Variants in CLEC16A observed in about 807,000 individuals in gnomAD.
CLEC16A encodes the protein C-type lectin domain containing 16A.
CLEC16A carries 51 observed loss-of-function variants against 109.5 expected under a neutral mutation model. The observed-to-expected ratio is 0.47, with a 90% CI of 0.37 to 0.59. The LOEUF (loss-of-function observed/expected upper bound fraction) is 0.59. Among genes scored for constraint, CLEC16A ranks in the 20% least tolerant of loss-of-function variants. The pLI, the probability that CLEC16A is intolerant of heterozygous loss-of-function variation, is 0.00. For missense variants in CLEC16A, 1,339 were observed against 1,394.0 expected, an observed-to-expected ratio of 0.96 and a Z score of 0.63; for synonymous variants, 673 against 564.2, an observed-to-expected ratio of 1.19 and a Z score of -2.73.
intron 19 of CLEC16A, among the ~76,000 whole-genome samples, chr16:11,069,450 T>G (rs1038540866): frequency 9.2e-5 from 14 of 152,044 alleles, no homozygotes; most frequent in African/African-American, 3.1e-4. Context: ...CTATTTTTTT[T>G]TTTATACAAG....
intron 22 of CLEC16A, among the ~76,000 whole-genome samples, chr16:11,157,685 C>T (rs1353751304): frequency 6.6e-6 from 1 of 151,700 alleles, no homozygotes; most frequent in Non-Finnish European, 1.5e-5. Flanking sequence ...TAAGAGGAGT[C>T]CCGGGCAAGG....
intron 1 of CLEC16A, among the ~76,000 whole-genome samples, chr16:10,948,083 C>T (rs550945006): frequency 5.3e-4 from 80 of 152,154 alleles, no homozygotes; most frequent in South Asian, 8.3e-4. Context: ...TTAGTAGAGA[C>T]GGGGTTTCAC....
chr16:11,159,216 G>A (rs2054635292), intron 22 of CLEC16A, among the ~76,000 whole-genome samples: 1 of 152,210 alleles, frequency 6.6e-6, no homozygotes, highest in African/African-American at 2.4e-5. Flanking sequence ...ACCAGGCCCT[G>A]CCATCTCCCT....
chr16:11,036,319 C>A lies in CLEC16A; in HGVS notation c.1538-3435C>A, dbSNP rs79782029. 2.5e-3 allele frequency among the ~76,000 whole-genome samples: 384 copies of A among 152,084 alleles called. 1 individual carries two copies. The highest frequency in any genetic ancestry group is 0.01 in the Middle Eastern group (3 of 294). On this transcript the variant is annotated intron_variant, in intron 13 of 23. Transcript: ENST00000409790. ...CCTCCCCGGCTCTCTCCCACCCAGA[C>A]CTCTCTGGGTCTGCTCCACTCCCTG...
At chr16:11,099,720 G>A (rs921369354) in intron 19 of CLEC16A, among the ~76,000 whole-genome samples, 2 of 152,214 alleles carry the variant, frequency 1.3e-5, no homozygotes, top group African/African-American at 2.4e-5. Context: ...GCCCAGATTT[G>A]TGTGGCTACC....
intron 22 of CLEC16A, among the ~76,000 whole-genome samples, chr16:11,129,197 GA>G (rs1315159098): frequency 1.3e-5 from 2 of 152,102 alleles, no homozygotes; most frequent in Non-Finnish European, 2.9e-5. Context: ...AGAACTTAAA[GA>G]GCTTTCATTT....
rs2041238578 is a variant in CLEC16A at position 10,944,564 on chromosome 16, A to T, written c.-154A>T. 1 of 671,352 alleles carries T rather than the reference A, an allele frequency of 1.5e-6. No individual in the cohort carries two copies. The highest frequency in any genetic ancestry group is 2.4e-6 in the Non-Finnish European group (1 of 416,334). The allele number at this position is 671,352 out of a possible 1,614,324, so 41.6% of individuals were successfully genotyped here. ...GAACGGCCGGTTCCGGCTGAATGTC[A>T]GTGCTGGGCTGTGGGCCGGGGAGGA... On this transcript the variant is annotated 5_prime_UTR_variant, in exon 1 of 24. Transcript: ENST00000409790.
At chr16:10,974,197 C>T (rs2042933297) in intron 7 of CLEC16A, among the ~76,000 whole-genome samples, 2 of 151,962 alleles carry the variant, frequency 1.3e-5, no homozygotes, top group African/African-American at 4.8e-5. Flanking sequence ...TGTACCCAGC[C>T]ATAAGGTGCT....
chr16:11,164,005 T>G (rs1234861028), intron 22 of CLEC16A, among the ~76,000 whole-genome samples: 1 of 152,194 alleles, frequency 6.6e-6, no homozygotes, highest in Non-Finnish European at 1.5e-5. Context: ...AGGCTGCGGC[T>G]GAGTGTCCCC....
At chr16:11,120,881 T>A in intron 20 of CLEC16A, 115 bp downstream of exon 20, 1 of 1,060,276 alleles carries the variant, frequency 9.4e-7, no homozygotes, top group Non-Finnish European at 1.2e-6. Context: ...GTAGTGATAT[T>A]ATACAAGGTA....
chr16:11,138,048 C>T (rs553961260), intron 22 of CLEC16A, among the ~76,000 whole-genome samples: 35 of 152,248 alleles, frequency 2.3e-4, no homozygotes, highest in African/African-American at 7.5e-4. Flanking sequence ...GGTACGGGAC[C>T]GCCTGGTGGA....
intron 22 of CLEC16A, among the ~76,000 whole-genome samples, chr16:11,129,564 C>G (rs1011012103): frequency 6.6e-6 from 1 of 152,216 alleles, no homozygotes; most frequent in Non-Finnish European, 1.5e-5. Context: ...TTCCAGACCA[C>G]ACTTTGAGAC....
At chr16:11,051,489 G>A (rs1169970594) in intron 17 of CLEC16A, 24 bp from the exon 18 acceptor site, 1 of 1,603,002 alleles carries the variant, frequency 6.2e-7, no homozygotes, top group South Asian at 1.1e-5. Flanking sequence ...TCTGCTTTGA[G>A]GTTTCCTGTA....
chr16:11,082,513 C>T (rs1407394593), intron 19 of CLEC16A, among the ~76,000 whole-genome samples: 1 of 152,198 alleles, frequency 6.6e-6, no homozygotes, highest in African/African-American at 2.4e-5. Flanking sequence ...ACAGGTAAGA[C>T]TTGATGAGGC....
intron 19 of CLEC16A, among the ~76,000 whole-genome samples, chr16:11,080,922 T>C (rs1567290631): frequency 1.3e-5 from 2 of 152,214 alleles, no homozygotes; most frequent in Non-Finnish European, 2.9e-5. Context: ...TTTTGTAAGG[T>C]AGCATGTTCA....
chr16:11,164,433 G>C (rs563314526), intron 22 of CLEC16A, among the ~76,000 whole-genome samples: 2 of 152,328 alleles, frequency 1.3e-5, no homozygotes, highest in East Asian at 3.9e-4. Flanking sequence ...GAAGAGTCCT[G>C]CTAAGCCCTA....
intron 19 of CLEC16A, among the ~76,000 whole-genome samples, chr16:11,108,286 A>G (rs1332380251): frequency 6.6e-6 from 1 of 152,252 alleles, no homozygotes; most frequent in Non-Finnish European, 1.5e-5. Context: ...TAGAAGAGAG[A>G]CAGCATTTCC....
chr16:11,170,678 C>T (rs1364996047), intron 23 of CLEC16A, among the ~76,000 whole-genome samples: 2 of 152,132 alleles, frequency 1.3e-5, no homozygotes, highest in Admixed American at 1.3e-4. Flanking sequence ...GGTTTGGGCA[C>T]CCCACTCCCT....
rs527269171 is a variant in CLEC16A at position 11,032,819 on chromosome 16, C to T, written c.1538-6935C>T. On this transcript the variant is annotated intron_variant, in intron 13 of 23. Coordinates refer to ENST00000409790, the MANE Select transcript of CLEC16A (RefSeq NM_015226.3). ...GTGGGCCAAGGTGAGGCTGGCCAGG[C>T]GGGCAGGGGCCAGGTCATGAAGGGC... Among the ~76,000 whole-genome samples, 12 of 152,166 alleles carry T rather than the reference C, an allele frequency of 7.9e-5. No homozygotes were observed. The South Asian group carries it at 1.2e-3, about 16-fold the overall frequency.
Sources: allele counts gnomAD v4.1 joint callset (sites outside exome capture counted in the v4.1 genomes callset), GRCh38; gene constraint gnomAD v4.1.1; transcripts MANE v1.5; gene names NCBI Gene and HGNC (gene_info 2026-07-23, HGNC 2026-07-21).